Variants in GALNT1 observed in about 807,000 individuals in gnomAD.
GALNT1 encodes the protein polypeptide N-acetylgalactosaminyltransferase 1.
Under a neutral mutation model 65.7 loss-of-function variants are expected in GALNT1, and 17 were observed. The ratio of observed to expected loss-of-function variants is 0.26; its 90% confidence interval spans 0.18 to 0.39. The LOEUF (loss-of-function observed/expected upper bound fraction) is 0.39. GALNT1 is among the 10% of genes least tolerant of loss of function. The pLI, the probability that GALNT1 is intolerant of heterozygous loss-of-function variation, is 1.00. For missense variants in GALNT1, 460 were observed against 672.8 expected (o/e 0.68, Z 3.50); for synonymous variants, 210 against 219.7 (o/e 0.96, Z 0.39).
chr18:35,683,677 T>G (rs2047819902), intron 5 of GALNT1, 79 bp downstream of exon 5: 1 of 1,083,310 alleles, frequency 9.2e-7, no homozygotes, highest in African/African-American at 1.6e-5. Context: ...TTCTATATTT[T>G]TTAAATAAAT....
intron 1 of GALNT1, among the ~76,000 whole-genome samples, chr18:35,644,036 T>C (rs1162902179): frequency 6.6e-6 from 1 of 152,172 alleles, no homozygotes; most frequent in African/African-American, 2.4e-5. Context: ...CTCAAGACAC[T>C]AAACACTGTA....
intron 1 of GALNT1, among the ~76,000 whole-genome samples, chr18:35,651,285 T>G (rs2047308258): frequency 6.6e-6 from 1 of 152,204 alleles, no homozygotes; most frequent in African/African-American, 2.4e-5. Context: ...AAATATGATT[T>G]ATGACTCAAC....
At chr18:35,642,356 A>G (rs966302061) in intron 1 of GALNT1, among the ~76,000 whole-genome samples, 1 of 152,230 alleles carries the variant, frequency 6.6e-6, no homozygotes, top group African/African-American at 2.4e-5. Flanking sequence ...GAAAAAAGCA[A>G]GTCAGGTTTT....
At chr18:35,659,772 C>G (rs1196023046) in intron 2 of GALNT1, 1 of 151,998 alleles carries the variant, frequency 6.6e-6, no homozygotes, top group African/African-American at 2.4e-5. Flanking sequence ...AAAAAACTTA[C>G]AATGATAAAA....
At chr18:35,671,270 G>T (rs188764958) in intron 3 of GALNT1, among the ~76,000 whole-genome samples, 1 of 152,266 alleles carries the variant, frequency 6.6e-6, no homozygotes, top group Admixed American at 6.5e-5. Flanking sequence ...AGACTGGAGT[G>T]CAGTGGCACA....
intron 1 of GALNT1, among the ~76,000 whole-genome samples, chr18:35,585,177 G>C (rs897509828): frequency 6.6e-6 from 1 of 152,074 alleles, no homozygotes; most frequent in Non-Finnish European, 1.5e-5. Context: ...GGACCCTTCA[G>C]AGTTACCCTC....
chr18:35,622,092 A>G (rs1378033315), intron 1 of GALNT1, among the ~76,000 whole-genome samples: 2 of 152,184 alleles, frequency 1.3e-5, no homozygotes, highest in Non-Finnish European at 2.9e-5. Flanking sequence ...TTCTATTTAA[A>G]AACTATATTG....
At chr18:35,604,253 T>G (rs1010061475) in intron 1 of GALNT1, among the ~76,000 whole-genome samples, 1 of 152,238 alleles carries the variant, frequency 6.6e-6, no homozygotes, top group Non-Finnish European at 1.5e-5. Flanking sequence ...GTGATTTTGT[T>G]CTTTTAAATG....
chr18:35,697,727 A>G (rs1043912279), intron 9 of GALNT1, among the ~76,000 whole-genome samples: 1 of 152,176 alleles, frequency 6.6e-6, no homozygotes, highest in Non-Finnish European at 1.5e-5. Context: ...GAAAGTGTGG[A>G]TATTCACACA....
At chr18:35,689,022 GA>G (rs1241587301) in intron 6 of GALNT1, 150 bp from the exon 7 acceptor site, 11 of 621,480 alleles carry the variant, frequency 1.8e-5, no homozygotes, top group Non-Finnish European at 3.2e-5. Flanking sequence ...ATAAAACACA[GA>G]AAGCCCCTGG....
chr18:35,664,242 T>G (rs968619316), intron 3 of GALNT1: 2 of 156,754 alleles, frequency 1.3e-5, no homozygotes, highest in African/African-American at 4.8e-5. Context: ...TCTCCTTATG[T>G]TTTTTGTAGT....
At chr18:35,692,505 C>T (rs1236255508) in intron 9 of GALNT1, among the ~76,000 whole-genome samples, 185 bp downstream of exon 9, 2 of 151,776 alleles carry the variant, frequency 1.3e-5, no homozygotes, top group Non-Finnish European at 2.9e-5. Context: ...CCCATTCCTC[C>T]TCCCTGAAAG....
intron 3 of GALNT1, among the ~76,000 whole-genome samples, chr18:35,677,307 C>A (rs1277838557): frequency 6.6e-6 from 1 of 152,124 alleles, no homozygotes; most frequent in East Asian, 1.9e-4. Context: ...AGCTTTATTT[C>A]ATTCTCCATT....
intron 1 of GALNT1, among the ~76,000 whole-genome samples, chr18:35,601,407 T>G (rs2143957318): frequency 6.6e-6 from 1 of 152,232 alleles, no homozygotes; most frequent in Non-Finnish European, 1.5e-5. Context: ...CTTTTTGTTG[T>G]GTAGATCTTT....
chr18:35,607,049 G>A (rs2144011092), intron 1 of GALNT1, among the ~76,000 whole-genome samples: 1 of 152,244 alleles, frequency 6.6e-6, no homozygotes, highest in South Asian at 2.1e-4. Flanking sequence ...ACTCAAGGCA[G>A]CCAGGTCAGT....
At chr18:35,707,220 T>TA (rs1238378984) in intron 11 of GALNT1, among the ~76,000 whole-genome samples, 14 of 152,254 alleles carry the variant, frequency 9.2e-5, no homozygotes, top group African/African-American at 1.4e-4. Flanking sequence ...TAGACCTAGT[T>TA]ACATCTAGAA....
intron 1 of GALNT1, among the ~76,000 whole-genome samples, chr18:35,614,289 C>A (rs975943534): frequency 5.3e-5 from 8 of 151,992 alleles, no homozygotes; most frequent in African/African-American, 1.7e-4. Context: ...GAGCTTGGTT[C>A]TGCATTAGAA....
intron 1 of GALNT1, among the ~76,000 whole-genome samples, chr18:35,604,915 C>T (rs1183488737): frequency 2.6e-5 from 4 of 152,178 alleles, no homozygotes; most frequent in African/African-American, 7.2e-5. Flanking sequence ...GTTTTAGTTT[C>T]TACTTTGCCA....
chr18:35,693,668 C>T (rs756391928), intron 9 of GALNT1, among the ~76,000 whole-genome samples: 2 of 152,086 alleles, frequency 1.3e-5, no homozygotes, highest in South Asian at 2.1e-4. Context: ...AGCAGATGCT[C>T]AAGGGAATCA....
Sources: allele counts gnomAD v4.1 joint callset (sites outside exome capture counted in the v4.1 genomes callset), GRCh38; gene constraint gnomAD v4.1.1; transcripts MANE v1.5; gene names NCBI Gene and HGNC (gene_info 2026-07-23, HGNC 2026-07-21).